The following TTLL11 variants were observed in gnomAD, a reference collection of about 807,000 sequenced individuals.
TTLL11 encodes the protein tubulin polyglutamylase TTLL11.
Under a neutral mutation model 51.7 loss-of-function variants are expected in TTLL11, and 42 were observed. The ratio of observed to expected loss-of-function variants is 0.81; its 90% CI spans 0.64 to 1.05. TTLL11 has a LOEUF of 1.05. TTLL11 is among the 50% of genes least tolerant of loss of function. The pLI is 0.00. For missense variants in TTLL11, 799 were observed against 940.4 expected, an observed-to-expected ratio of 0.85 and a Z score of 1.97; for synonymous variants, 381 against 383.5, an observed-to-expected ratio of 0.99 and a Z score of 0.08.
chr9:121,999,469 CCTT>C (rs1333285418), intron 3 of TTLL11, among the ~76,000 whole-genome samples: 4 of 152,268 alleles, frequency 2.6e-5, no homozygotes, highest in East Asian at 3.9e-4. Context: ...TCTGAGATCA[CCTT>C]CTCCCACATC....
At chr9:122,079,508 G>A (rs1288598367) in intron 1 of TTLL11, among the ~76,000 whole-genome samples, 2 of 151,642 alleles carry the variant, frequency 1.3e-5, no homozygotes, top group Non-Finnish European at 2.9e-5. Context: ...TCAAGAGATC[G>A]AGACCATTCT....
intron 6 of TTLL11, among the ~76,000 whole-genome samples, chr9:121,927,590 A>AATAAAAT (rs1017023321): frequency 2.6e-5 from 4 of 151,848 alleles, no homozygotes; most frequent in African/African-American, 9.7e-5. Flanking sequence ...CTCATTTTGA[A>AATAAAAT]ATAAAATAGT....
intron 3 of TTLL11, among the ~76,000 whole-genome samples, chr9:122,006,814 C>T (rs929945427): frequency 3.3e-5 from 5 of 151,630 alleles, no homozygotes; most frequent in Non-Finnish European, 4.4e-5. Context: ...GATGAAACCT[C>T]ATCTTTAATA....
chr9:122,030,913 C>T (rs1844522393), intron 3 of TTLL11, among the ~76,000 whole-genome samples: 1 of 152,006 alleles, frequency 6.6e-6, no homozygotes, highest in Non-Finnish European at 1.5e-5. Context: ...TGCACTCTGG[C>T]CTAGGCAACA....
At chr9:122,067,877 A>G (rs1249570922) in intron 1 of TTLL11, among the ~76,000 whole-genome samples, 2 of 152,238 alleles carry the variant, frequency 1.3e-5, no homozygotes, top group Non-Finnish European at 2.9e-5. Flanking sequence ...TCAAGTCCTA[A>G]TTCTTTCACT....
intron 8 of TTLL11, among the ~76,000 whole-genome samples, chr9:121,832,626 T>C (rs1182688840): frequency 6.6e-6 from 1 of 152,118 alleles, no homozygotes; most frequent in Non-Finnish European, 1.5e-5. Context: ...AGTCCCTTAC[T>C]CCACTGCTGC....
intron 6 of TTLL11, among the ~76,000 whole-genome samples, chr9:121,921,553 G>C (rs1840545465): frequency 6.6e-6 from 1 of 152,178 alleles, no homozygotes; most frequent in African/African-American, 2.4e-5. Flanking sequence ...AAGCACAGCT[G>C]TTGTGTAAAT....
intron 8 of TTLL11, among the ~76,000 whole-genome samples, chr9:121,845,974 CT>C (rs1364245560): frequency 6.6e-6 from 1 of 152,040 alleles, no homozygotes; most frequent in Non-Finnish European, 1.5e-5. Context: ...AGGACAGAGA[CT>C]GTTGAGAGGA....
At chr9:121,848,356 TC>T (rs142206712) in intron 8 of TTLL11, among the ~76,000 whole-genome samples, 8,419 of 151,074 alleles carry the variant, frequency 0.056, 373 homozygotes, top group African/African-American at 0.12. Context: ...GAAGAAAAAG[TC>T]CCCCCCCTTA....
intron 1 of TTLL11, among the ~76,000 whole-genome samples, chr9:122,062,878 C>T (rs1336439901): frequency 6.6e-6 from 1 of 152,040 alleles, no homozygotes; most frequent in Non-Finnish European, 1.5e-5. Flanking sequence ...CTCCCAGGCT[C>T]AAGCAATCCT....
intron 6 of TTLL11, among the ~76,000 whole-genome samples, chr9:121,921,507 T>C (rs1840543806): frequency 6.6e-6 from 1 of 152,166 alleles, no homozygotes; most frequent in Non-Finnish European, 1.5e-5. Flanking sequence ...CTAGTGCCTT[T>C]CAATTATGCC....
At chr9:121,873,211 C>G (rs1402528684) in intron 6 of TTLL11, among the ~76,000 whole-genome samples, 1 of 152,196 alleles carries the variant, frequency 6.6e-6, no homozygotes, top group Non-Finnish European at 1.5e-5. Context: ...CTGCTCTTCA[C>G]TCCACTTTGC....
In TTLL11 at chr9:121,897,618, G is replaced by GCACACACACACACACA. The variant is rs745877337; in HGVS notation, c.1482-26886_1482-26871dup. Among the ~76,000 whole-genome samples, 332 of 136,990 alleles carry GCACACACACACACACA rather than the reference G, an allele frequency of 2.4e-3. 3 individuals are homozygous for GCACACACACACACACA. The highest frequency in any genetic ancestry group is 8.2e-3 in the African/African-American group (302 of 36,620). 89.9% of individuals were successfully genotyped at this position (136,990 alleles called of 152,430 possible). ...CACCTTCCCAGGCATTTCCCTCCAG[G>GCACACACACACACACA]CACACACACACACACACACACACGC... is the stretch of plus-strand genomic sequence containing the variant. On this transcript the variant is annotated intron_variant, in intron 6 of 8. Transcript: ENST00000321582.
At chr9:121,994,260 C>T (rs1843192821) in intron 3 of TTLL11, among the ~76,000 whole-genome samples, 2 of 152,098 alleles carry the variant, frequency 1.3e-5, no homozygotes, top group African/African-American at 2.4e-5. Flanking sequence ...GCGGGCAGGA[C>T]ACTTCTGGGA....
intron 6 of TTLL11, among the ~76,000 whole-genome samples, chr9:121,903,950 A>G (rs1330513092): frequency 6.6e-6 from 1 of 152,198 alleles, no homozygotes; most frequent in Non-Finnish European, 1.5e-5. Flanking sequence ...AGGGTTTTCC[A>G]GCTCAGCTCA....
At chr9:122,086,259 A>G (rs368701285) in intron 1 of TTLL11, among the ~76,000 whole-genome samples, 7 of 152,346 alleles carry the variant, frequency 4.6e-5, no homozygotes, top group African/African-American at 1.7e-4. Context: ...GTGTGGATTC[A>G]TGAAGCTATT....
intron 6 of TTLL11, among the ~76,000 whole-genome samples, chr9:121,934,307 C>G (rs557814539): frequency 6.6e-6 from 1 of 151,980 alleles, no homozygotes; most frequent in African/African-American, 2.4e-5. Flanking sequence ...TTACCCATGC[C>G]AAACTATATA....
chr9:121,916,323 C>CAGGT (rs1564303364), intron 6 of TTLL11, among the ~76,000 whole-genome samples: 1 of 152,104 alleles, frequency 6.6e-6, no homozygotes, highest in Non-Finnish European at 1.5e-5. Flanking sequence ...TCTCTCTTTA[C>CAGGT]AGGTTTCAGT....
chr9:121,955,146 G>T (rs916796797), intron 6 of TTLL11, among the ~76,000 whole-genome samples: 1 of 152,168 alleles, frequency 6.6e-6, no homozygotes, highest in African/African-American at 2.4e-5. Flanking sequence ...TTGCATCAGG[G>T]ATAATCTTAA....
Sources: gnomAD v4.1 joint callset for allele counts (sites outside exome capture counted in the v4.1 genomes callset) on GRCh38, gnomAD v4.1.1 for gene constraint, MANE v1.5 for transcripts, NCBI Gene and HGNC (gene_info 2026-07-23, HGNC 2026-07-21) for gene names.